PSD: variants seen among roughly 807,000 people sequenced by gnomAD.
The protein encoded by PSD is pleckstrin and Sec7 domain containing, also known as PH and SEC7 domain-containing protein 1.
A neutral mutation model predicts 91.6 loss-of-function variants in PSD; 32 were observed. That is an observed-to-expected ratio of 0.35 (90% CI 0.26 to 0.47). The LOEUF (loss-of-function observed/expected upper bound fraction) is 0.47. Among genes scored for constraint, PSD ranks in the 20% least tolerant of loss-of-function variants. The pLI is 1.00. For missense variants in PSD, 1,099 were observed against 1,373.9 expected (o/e 0.80, Z 3.16); for synonymous variants, 532 against 569.3 (o/e 0.93, Z 0.93).
rs1248943874 is a variant in PSD at position 102,409,575 on chromosome 10, GAGCC to G, written c.2091+1279_2091+1282del. 6.6e-6 allele frequency among the ~76,000 whole-genome samples: 1 copy of G among 152,088 alleles called. No individual in the cohort carries two copies. The highest frequency in any genetic ancestry group is 1.5e-5 in the Non-Finnish European group (1 of 67,992). ...CGCTTCCCTGCAGCCCTTTTCCACTGAGCCAAGAGGGGCCTCGAGGGAGGACGGA... is the reference window on the plus strand; with the variant it reads ...CGCTTCCCTGCAGCCCTTTTCCACTGAAGAGGGGCCTCGAGGGAGGACGGA... On this transcript the variant is annotated intron_variant, in intron 10 of 16. Transcript: ENST00000020673. The surrounding 1 kb of genome is among the most constrained non-coding windows in gnomAD (Gnocchi z 5.7).
chr10:102,413,641 T>C, intron 5 of PSD, 128 bp downstream of exon 5: 1 of 931,154 alleles, frequency 1.1e-6, no homozygotes, highest in Non-Finnish European at 1.6e-6. Flanking sequence ...AGGATCTGCA[T>C]CCCTTAACCA....
Position 102,414,141 on chromosome 10 carries a change from G to A in PSD, c.1181C>T (p.Pro394Leu), listed in dbSNP as rs1385595942. The A allele has an allele frequency of 3.7e-6, 6 of 1,613,906 alleles. No homozygotes were observed. Among genetic ancestry groups the A allele is most frequent in the African/African-American group, 2.7e-5 (2 of 74,906 alleles). ...SPVPFLPGTS[P>L]SADGPDSFSC... ...GAAAGAGTCAGGCCCATCAGCCGAG[G>A]GGCTCGTCCCAGGTAGAAAGGGCAC... Residue 394 changes from proline to leucine, a missense_variant, in exon 5 of 17, where the codon CCC becomes CTC. Transcript: ENST00000020673. This position sits in a 1 kb window ranked among gnomAD's most constrained non-coding sequence, Gnocchi z 5.6.
At position 102,403,320 on chromosome 10, in the gene PSD, A is replaced by C. The variant is rs778893889; in HGVS notation, c.2955T>G (p.Asp985Glu). ...GACTGGAGTGAGAAGGAGGGAGTCC[A>C]TCCTCTGTGCTCCCGGCCTGGGCCA... is the stretch of plus-strand genomic sequence containing the variant. The part of the protein sequence containing the change: ...AALAQAGSTE[D>E]GLPPSHSSPS... The change falls in exon 17 of 17, where the codon GAT becomes GAG. Residue 985 changes from aspartate to glutamate, a missense_variant. Asp to Glu is a conservative substitution (Grantham distance 45). Around this residue, in one of 3 missense-constraint regions of PSD, gnomAD observed 358 missense variants for 426.5 expected, o/e 0.84. Transcript: ENST00000020673. This position sits in a 1 kb window ranked among gnomAD's most constrained non-coding sequence, Gnocchi z 6.7. 9 of 1,613,992 alleles carry C rather than the reference A, an allele frequency of 5.6e-6. No homozygotes were observed. Among genetic ancestry groups the C allele is most frequent in the Middle Eastern group, 1.6e-4 (1 of 6,084 alleles).
At position 102,416,800 on chromosome 10, in the gene PSD, G is replaced by A. The variant is rs1306398460; in HGVS notation, c.239C>T (p.Pro80Leu). 2.5e-6 allele frequency: 4 copies of A among 1,597,668 alleles called. No individual in the cohort carries two copies. Among genetic ancestry groups the A allele is most frequent in the African/African-American group, 2.7e-5 (2 of 74,664 alleles). Residue 80 changes from proline to leucine, a missense_variant, in exon 2 of 17, where the codon CCC (proline) becomes CTC (leucine). By Grantham distance (98) the Pro-to-Leu change is moderately conservative. Transcript: ENST00000020673. This position sits in a 1 kb window ranked among gnomAD's most constrained non-coding sequence, Gnocchi z 6.0. ...LRGPPSPRVA[P>L]SPWAPSSPTG... is the part of the protein sequence containing the mutation. ...GGGTGAAGAGGGTGCCCAGGGTGAG[G>A]GAGCAACACGGGGTGAGGGGGGGCC... is the stretch of plus-strand genomic sequence containing the variant.
At position 102,414,205 on chromosome 10, in the gene PSD, G is replaced by C. The variant is rs1565226968; in HGVS notation, c.1125-8C>G. 6.3e-7 allele frequency: 1 copy of C among 1,593,480 alleles called. No individual in the cohort carries two copies. Among genetic ancestry groups the C allele is most frequent in the Non-Finnish European group, 8.6e-7 (1 of 1,169,380 alleles). On this transcript the variant is annotated splice_region_variant and splice_polypyrimidine_tract_variant and intron_variant, in intron 4 of 16. Transcript: ENST00000020673. The surrounding 1 kb of genome is among the most constrained non-coding windows in gnomAD (Gnocchi z 5.6). ...GGCATCCGGCTCCCTGGCCTGCAGG[G>C]GCAGGGAGAATCTCTGATTAGGGGC... is the stretch of plus-strand genomic sequence containing the variant.
Position 102,403,264 on chromosome 10 carries a change from G to A in PSD, c.3011C>T (p.Pro1004Leu), listed in dbSNP as rs372395149. 30 of 1,611,372 alleles carry A rather than the reference G, an allele frequency of 1.9e-5. No homozygotes were observed. The African/African-American group carries it at 3.1e-4, about 16-fold the overall frequency. ...CTCTGAGCTGTGACGCTGAGCCCGG[G>A]GCTGGCTGGAGGGTTTGGGCTGCAG... The part of the protein sequence containing the change: ...PSLQPKPSSQ[P>L]RAQRHSSEPR... Residue 1004 changes from proline (P) to leucine (L), a missense_variant, in exon 17 of 17, where the codon CCC becomes CTC. By Grantham distance (98) the Pro-to-Leu change is moderately conservative. Around this residue, in one of 3 missense-constraint regions of PSD, gnomAD observed 358 missense variants for 426.5 expected, o/e 0.84. Coordinates refer to ENST00000020673, the MANE Select transcript of PSD (RefSeq NM_002779.5). This position sits in a 1 kb window ranked among gnomAD's most constrained non-coding sequence, Gnocchi z 6.7.
At position 102,404,490 on chromosome 10, in the gene PSD, T is replaced by C; in HGVS notation, c.2700+93A>G. ...GGCCAGCATCCTGGTGCAGGGGACA[T>C]CTCCACGATCACACGCAGCAGCCTT... On this transcript the variant is annotated intron_variant, in intron 15 of 16. Coordinates refer to ENST00000020673, the MANE Select transcript of PSD (RefSeq NM_002779.5). The surrounding 1 kb of genome is among the most constrained non-coding windows in gnomAD (Gnocchi z 5.7). 2 of 1,461,508 alleles carry C rather than the reference T, an allele frequency of 1.4e-6. No individual in the cohort carries two copies. Among genetic ancestry groups the C allele is most frequent in the Non-Finnish European group, 9.2e-7 (1 of 1,085,290 alleles). 90.5% of individuals were successfully genotyped at this position (1,461,508 alleles called of 1,614,324 possible). A position where few individuals can be genotyped will look rare whatever the true frequency, so the allele number is the denominator to read the frequency against.
At chr10:102,407,420 C>T (rs1326314060) in intron 10 of PSD, among the ~76,000 whole-genome samples, 154 bp from the exon 11 acceptor site, 2 of 152,130 alleles carry the variant, frequency 1.3e-5, no homozygotes, top group Non-Finnish European at 2.9e-5. Flanking sequence ...GAATGGAGAC[C>T]CAGACCCGGC....
intron 7 of PSD, 104 bp from the exon 8 acceptor site, chr10:102,411,923 G>A: frequency 2.1e-6 from 2 of 956,656 alleles, no homozygotes; most frequent in South Asian, 2.7e-5. Context: ...GGTGGGAAGG[G>A]GAGGAGAGAA....
At chr10:102,411,263 G>A in intron 8 of PSD, 147 bp from the exon 9 acceptor site, 1 of 286,374 alleles carries the variant, frequency 3.5e-6, no homozygotes, top group Non-Finnish European at 5.7e-6. Context: ...CCCACAAAGA[G>A]CTCCTCTTCC....
At chr10:102,418,054 CACACAA>C (rs1032133788) in intron 1 of PSD, among the ~76,000 whole-genome samples, 6 of 36,126 alleles carry the variant, frequency 1.7e-4, no homozygotes, top group African/African-American at 5.1e-4. Flanking sequence ...CACCTACACA[CACACAA>C]ACACACACAC....
rs201565371 is a variant in PSD, at chr10:102,405,642, G to C, written c.2136-106C>G. 3 of 1,107,884 alleles carry C rather than the reference G, an allele frequency of 2.7e-6. No individual in the cohort carries two copies. In the African/African-American group the frequency reaches 4.7e-5, roughly 17 times the overall value. The allele number at this position is 1,107,884 out of a possible 1,614,324, so 68.6% of individuals were successfully genotyped here. A position where few individuals can be genotyped will look rare whatever the true frequency, so the allele number is the denominator to read the frequency against. On this transcript the variant is annotated intron_variant, in intron 11 of 16. Transcript: ENST00000020673. The surrounding 1 kb of genome is among the most constrained non-coding windows in gnomAD (Gnocchi z 5.4). ...AAAGCTCCCCCAGTGTTTGTGGCTT[G>C]GGGGGCTCAACCTGAGGGTCCTGCC...
chr10:102,415,207 G>A lies in PSD; in HGVS notation c.780C>T (p.Ala260=), dbSNP rs1267730511. The A allele has an allele frequency of 6.2e-7, 1 of 1,610,708 alleles. No homozygotes were observed. ...PSSGAKPPEQ[A]PPSPPGVGSR... is the part of the protein sequence containing the mutation. ...AGCCCACCCCAGGTGGAGATGGGGG[G>A]GCCTGCTCTGGGGGCTTAGCACCTG... Residue 260 remains alanine (A), a synonymous_variant, in exon 4 of 17, where the codon GCC becomes GCT. Transcript: ENST00000020673.
chr10:102,411,032 GCTCCTGCCCGCCCGC>G lies in PSD; in HGVS notation c.2001+11_2001+25del. ...TGTCTGGCCAGGGGTTTGTTTTCCGGCTCCTGCCCGCCCGCCTCCACTCACATGGCCGTGGAGATC... is the reference window on the plus strand; with the variant it reads ...TGTCTGGCCAGGGGTTTGTTTTCCGGCTCCACTCACATGGCCGTGGAGATC... On this transcript the variant is annotated intron_variant, in intron 9 of 16. Transcript: ENST00000020673. 1.9e-6 allele frequency: 3 copies of G among 1,612,968 alleles called. No individual in the cohort carries two copies. The highest frequency in any genetic ancestry group is 2.5e-6 in the Non-Finnish European group (3 of 1,179,140).
In PSD at chr10:102,403,908, C is replaced by T. The variant is rs1288117753; in HGVS notation, c.2778G>A (p.Leu926=). 3 of 1,601,282 alleles carry T rather than the reference C, an allele frequency of 1.9e-6. No individual in the cohort carries two copies. Among genetic ancestry groups the T allele is most frequent in the Non-Finnish European group, 2.6e-6 (3 of 1,173,932 alleles). Residue 926 remains leucine (L), a synonymous_variant, in exon 16 of 17, where the codon CTG becomes CTA. Coordinates refer to ENST00000020673, the MANE Select transcript of PSD (RefSeq NM_002779.5). This position sits in a 1 kb window ranked among gnomAD's most constrained non-coding sequence, Gnocchi z 6.7. Reference sequence around the variant, plus strand: ...CCTCCTTGCCCCGGCCCTTCTTGCCCAGCTGGGCGGCCCGGTGCTCCCGCA... The same window carrying T: ...CCTCCTTGCCCCGGCCCTTCTTGCCTAGCTGGGCGGCCCGGTGCTCCCGCA... ...SELREHRAAQ[L]GKKGRGKEAE...
upstream of PSD, chr10:102,418,987 G>C (rs1157052674): frequency 8.7e-6 from 3 of 343,434 alleles, no homozygotes; most frequent in Non-Finnish European, 1.8e-5. Flanking sequence ...TGGAACCCCT[G>C]GTTCTATTCC....
chr10:102,403,463 CT>C lies in PSD; in HGVS notation c.2845-34del, dbSNP rs770981968. On this transcript the variant is annotated intron_variant, in intron 16 of 16. Coordinates refer to ENST00000020673, the MANE Select transcript of PSD (RefSeq NM_002779.5). The surrounding 1 kb of genome is among the most constrained non-coding windows in gnomAD (Gnocchi z 6.7). Reference sequence around the variant, plus strand: ...AGAGGGGCAGGGGCTGTGAGAGCCTCTTCTCTGCCTTCTGCCCACCCCACCA... The same window carrying C: ...AGAGGGGCAGGGGCTGTGAGAGCCTCTCTCTGCCTTCTGCCCACCCCACCA... The C allele has an allele frequency of 6.4e-7, 1 of 1,551,118 alleles. No individual in the cohort carries two copies. The highest frequency in any genetic ancestry group is 1.2e-5 in the South Asian group (1 of 84,658).
chr10:102,413,592 C>T (rs2061445010), intron 5 of PSD, among the ~76,000 whole-genome samples, 177 bp downstream of exon 5: 1 of 152,052 alleles, frequency 6.6e-6, no homozygotes, highest in African/African-American at 2.4e-5. Context: ...AGGGACTCTC[C>T]CTCACAGCTA....
At position 102,414,298 on chromosome 10, in the gene PSD, C is replaced by T; in HGVS notation, c.1125-101G>A. 3.5e-6 allele frequency: 4 copies of T among 1,155,002 alleles called. No individual in the cohort carries two copies. The highest frequency in any genetic ancestry group is 4.9e-6 in the Non-Finnish European group (4 of 814,488). The allele number at this position is 1,155,002 out of a possible 1,614,324, so 71.5% of individuals were successfully genotyped here. ...CTGACTCTGCTAAGGGGATTATCATCCCCTTTTCACTGGCTCCAGCCCACT... is the reference window on the plus strand; with the variant it reads ...CTGACTCTGCTAAGGGGATTATCATTCCCTTTTCACTGGCTCCAGCCCACT... On this transcript the variant is annotated intron_variant, in intron 4 of 16. Coordinates refer to ENST00000020673, the MANE Select transcript of PSD (RefSeq NM_002779.5). This position sits in a 1 kb window ranked among gnomAD's most constrained non-coding sequence, Gnocchi z 5.6.
Sources: allele counts gnomAD v4.1 joint callset (sites outside exome capture counted in the v4.1 genomes callset), GRCh38; gene constraint gnomAD v4.1.1; regional missense constraint gnomAD v4.1.1; non-coding constraint Gnocchi (gnomAD v3.1); transcripts MANE v1.5; gene names NCBI Gene and HGNC (gene_info 2026-07-23, HGNC 2026-07-21).